The following CELF5 variants were observed in gnomAD, a reference collection of about 807,000 sequenced individuals.
The protein encoded by CELF5 is CUG-BP and ETR-3 like factor 5.
CELF5 carries 6 observed loss-of-function variants against 54.9 expected under a neutral mutation model. The observed-to-expected ratio is 0.11, with a 90% CI of 0.06 to 0.22. The LOEUF is 0.22. Ranked by LOEUF, CELF5 falls within the 10% of genes least tolerant of loss-of-function variation. The pLI is 1.00. For synonymous variants in CELF5, 271 were observed against 290.9 expected (o/e 0.93, Z 0.70); for missense variants, 401 against 678.6 (o/e 0.59, Z 4.54).
At chr19:3,233,106 T>TAAA (rs951503590) in intron 1 of CELF5, among the ~76,000 whole-genome samples, 7 of 149,698 alleles carry the variant, frequency 4.7e-5, no homozygotes, top group African/African-American at 1.7e-4. Context: ...TAAAAATAAA[T>TAAA]AAATAAATAA....
intron 1 of CELF5, among the ~76,000 whole-genome samples, chr19:3,249,037 G>A (rs184188474): frequency 6.6e-6 from 1 of 151,716 alleles, no homozygotes; most frequent in African/African-American, 2.4e-5. Flanking sequence ...GGGTTCCCTC[G>A]GATTCCCTAC....
intron 2 of CELF5, among the ~76,000 whole-genome samples, chr19:3,254,818 CCATCCATCCATT>C (rs2079699256): frequency 6.6e-6 from 1 of 151,946 alleles, no homozygotes; most frequent in Non-Finnish European, 1.5e-5. Context: ...ATCCACCCAT[CCATCCATCCATT>C]CATCCATCCA....
At chr19:3,245,375 TGTGTGTATGCATCTGTGTGTGTGTGC>T (rs1184852036) in intron 1 of CELF5, among the ~76,000 whole-genome samples, 32 of 148,594 alleles carry the variant, frequency 2.2e-4, no homozygotes, top group Non-Finnish European at 3.7e-4. Flanking sequence ...TGTGTGCGTG[TGTGTGTATGCATCTGTGTGTGTGTGC>T]GTGTGTGTGT....
intron 2 of CELF5, among the ~76,000 whole-genome samples, chr19:3,262,950 A>T (rs903222329): frequency 8.6e-5 from 13 of 151,454 alleles, no homozygotes; most frequent in African/African-American, 2.7e-4. Flanking sequence ...AAAAATTTTT[A>T]AAAATTAAAA....
rs145984717 is a variant in CELF5 at position 3,281,819 on chromosome 19, G to A, written c.751-307G>A. ...CCTAACCGAGCCTTGATCCTAGATTGAGCCTTAGTCCCAGGCTGAGCCTCG... is the reference window on the plus strand; with the variant it reads ...CCTAACCGAGCCTTGATCCTAGATTAAGCCTTAGTCCCAGGCTGAGCCTCG... On this transcript the variant is annotated intron_variant, in intron 6 of 12. Transcript: ENST00000292672. The surrounding 1 kb of genome is among the most constrained non-coding windows in gnomAD (Gnocchi z 6.5). Among the ~76,000 whole-genome samples the A allele has an allele frequency of 1.1e-4, 17 of 151,816 alleles. No homozygotes were observed. The highest frequency in any genetic ancestry group is 3.9e-4 in the African/African-American group (16 of 41,386).
At chr19:3,246,040 G>T (rs4807432) in intron 1 of CELF5, among the ~76,000 whole-genome samples, 48,184 of 152,084 alleles carry the variant, frequency 0.32, 8,275 homozygotes, top group East Asian at 0.71. Flanking sequence ...TGCCCAGCAC[G>T]TCCCTCCTGG....
At chr19:3,283,605 G>A (rs2080186496) in intron 8 of CELF5, among the ~76,000 whole-genome samples, 1 of 151,688 alleles carries the variant, frequency 6.6e-6, no homozygotes, top group East Asian at 2.0e-4. Flanking sequence ...CCAAAGTGCC[G>A]GGATTATAGG....
intron 2 of CELF5, among the ~76,000 whole-genome samples, chr19:3,270,141 C>T (rs972257144): frequency 4.6e-5 from 7 of 152,108 alleles, no homozygotes; most frequent in African/African-American, 1.7e-4. Context: ...CCAGCTCCAA[C>T]CCTGACCCCA....
chr19:3,257,223 G>T (rs1011822714), intron 2 of CELF5, among the ~76,000 whole-genome samples: 1 of 152,182 alleles, frequency 6.6e-6, no homozygotes, highest in Admixed American at 6.5e-5. Context: ...CAGAGGGAAC[G>T]GCCAGTGCAA....
At chr19:3,288,665 TAGTG>T (rs749051139) in intron 10 of CELF5, among the ~76,000 whole-genome samples, 41 of 152,068 alleles carry the variant, frequency 2.7e-4, no homozygotes, top group Non-Finnish European at 4.9e-4. Flanking sequence ...CTGGGCAACA[TAGTG>T]AGACCCCATC....
At chr19:3,256,708 C>T (rs2079732621) in intron 2 of CELF5, among the ~76,000 whole-genome samples, 1 of 151,540 alleles carries the variant, frequency 6.6e-6, no homozygotes, top group South Asian at 2.1e-4. Context: ...AGCTGGATTA[C>T]AGGCATGTGC....
At chr19:3,243,901 G>T (rs1003474117) in intron 1 of CELF5, among the ~76,000 whole-genome samples, 1 of 151,524 alleles carries the variant, frequency 6.6e-6, no homozygotes, top group Admixed American at 6.6e-5. Flanking sequence ...TTTTATAAGG[G>T]CACCAGTCTT....
intron 2 of CELF5, among the ~76,000 whole-genome samples, chr19:3,260,447 A>G (rs1397398076): frequency 6.7e-6 from 1 of 149,932 alleles, no homozygotes; most frequent in African/African-American, 2.5e-5. Flanking sequence ...AAATATATGT[A>G]TGTATTTTAT....
intron 2 of CELF5, among the ~76,000 whole-genome samples, chr19:3,270,322 C>A (rs2079939949): frequency 6.6e-6 from 1 of 152,000 alleles, no homozygotes; most frequent in Non-Finnish European, 1.5e-5. Context: ...AGGGAAGGGA[C>A]GCAGCCATGG....
chr19:3,250,285 G>C (rs182247756), intron 1 of CELF5, among the ~76,000 whole-genome samples: 2 of 152,070 alleles, frequency 1.3e-5, no homozygotes, highest in Non-Finnish European at 2.9e-5. Context: ...TCAGGAGATC[G>C]AGACCATCCT....
At chr19:3,272,171 T>C (rs150322589) in intron 2 of CELF5, among the ~76,000 whole-genome samples, 2 of 151,972 alleles carry the variant, frequency 1.3e-5, no homozygotes, top group East Asian at 3.9e-4. Context: ...ATCGAGACCA[T>C]CCTGGCCAAC....
In CELF5 at chr19:3,282,334, C is replaced by T. The variant is rs1318522931; in HGVS notation, c.893-18C>T. On this transcript the variant is annotated intron_variant, in intron 7 of 12. Transcript: ENST00000292672. This position sits in a 1 kb window ranked among gnomAD's most constrained non-coding sequence, Gnocchi z 5.2. ...GGAGCCAGAACTGGCCTCCCCATGA[C>T]CCTCTTCCGCTCTGCAGGGCTGCAC... 6.2e-7 allele frequency: 1 copy of T among 1,608,432 alleles called. No homozygotes were observed. Among genetic ancestry groups the T allele is most frequent in the Non-Finnish European group, 8.5e-7 (1 of 1,179,774 alleles).
chr19:3,265,830 G>A (rs2079874181), intron 2 of CELF5, among the ~76,000 whole-genome samples: 1 of 151,138 alleles, frequency 6.6e-6, no homozygotes. Flanking sequence ...TTTTTGAGAT[G>A]GAGTCTCACT....
chr19:3,291,932 CTT>C (rs11350773), intron 11 of CELF5, among the ~76,000 whole-genome samples: 1 of 151,466 alleles, frequency 6.6e-6, no homozygotes, highest in Non-Finnish European at 1.5e-5. Context: ...GAACCAGACT[CTT>C]TTTTTTTGTT....
Sources: gnomAD v4.1 joint callset for allele counts (sites outside exome capture counted in the v4.1 genomes callset) on GRCh38, gnomAD v4.1.1 for gene constraint, Gnocchi (gnomAD v3.1) non-coding constraint, MANE v1.5 for transcripts, NCBI Gene and HGNC (gene_info 2026-07-23, HGNC 2026-07-21) for gene names.